Variants in GLIS3 observed in about 807,000 individuals in gnomAD.
GLIS3 encodes the protein GLIS family zinc finger 3, also known as zinc finger protein GLIS3.
GLIS3 carries 53 observed loss-of-function variants against 78.6 expected under a neutral mutation model. That is an observed-to-expected ratio of 0.67 (90% CI 0.54 to 0.85). The LOEUF (loss-of-function observed/expected upper bound fraction) is 0.85, where lower values mean the gene tolerates loss of function less well. Ranked by LOEUF, GLIS3 falls within the 40% of genes least tolerant of loss-of-function variation. GLIS3 has a pLI of 0.00. For missense variants in GLIS3, 1,703 were observed against 1,231.1 expected, an observed-to-expected ratio of 1.38 and a Z score of -5.74; for synonymous variants, 684 against 509.9, an observed-to-expected ratio of 1.34 and a Z score of -4.60.
At chr9:4,191,820 C>A (rs984799623) in intron 2 of GLIS3, among the ~76,000 whole-genome samples, 17 of 150,998 alleles carry the variant, frequency 1.1e-4, no homozygotes, top group Non-Finnish European at 2.4e-4. Context: ...AAATTGAAGA[C>A]CATATGAAAA....
At chr9:4,389,989 ATTCT>A in the GLIS3 span, among the ~76,000 whole-genome samples, 1 of 152,246 alleles carries the variant, frequency 6.6e-6, no homozygotes, top group African/African-American at 2.4e-5. Context: ...TTATTCACTC[ATTCT>A]TTCTTTCATT....
chr9:4,286,614 A>T, intron 1 of GLIS3, 91 bp from the exon 2 acceptor site: 1 of 689,826 alleles, frequency 1.4e-6, no homozygotes, highest in East Asian at 2.7e-5. Context: ...TTCATAAGGA[A>T]GAAAAGCAGC....
At chr9:4,372,588 C>A in the GLIS3 span, among the ~76,000 whole-genome samples, 1 of 151,286 alleles carries the variant, frequency 6.6e-6, no homozygotes, top group Non-Finnish European at 1.5e-5. Context: ...ACAGCGCGTG[C>A]ACCTAAATTC....
chr9:4,100,471 T>A (rs1215648196), intron 4 of GLIS3, among the ~76,000 whole-genome samples: 2 of 152,174 alleles, frequency 1.3e-5, no homozygotes, highest in African/African-American at 4.8e-5. Flanking sequence ...CGATACACCA[T>A]GAAAATATGA....
At chr9:4,436,810 CAAAAAAAA>C in the GLIS3 span, among the ~76,000 whole-genome samples, 83 of 53,594 alleles carry the variant, frequency 1.5e-3, no homozygotes, top group Admixed American at 6.9e-3. Context: ...GACTGCATCT[CAAAAAAAA>C]AAAAAAAAAA....
rs144288384 is a variant in GLIS3 at position 4,066,130 on chromosome 9, C to T, written c.1710+51638G>A. On this transcript the variant is annotated intron_variant, in intron 4 of 10. Transcript: ENST00000381971. ...CATGTCAAGCCATTTCTATTTAATGCCTATTTCAATTTCAAGACATTTCTA... is the reference window on the plus strand; with the variant it reads ...CATGTCAAGCCATTTCTATTTAATGTCTATTTCAATTTCAAGACATTTCTA... 2.7e-3 allele frequency among the ~76,000 whole-genome samples: 416 copies of T among 151,466 alleles called. 2 individuals carry two copies. The highest frequency in any genetic ancestry group is 9.7e-3 in the African/African-American group (402 of 41,320).
chr9:4,339,310 G>T (rs1200039196), intron 2 of GLIS3, among the ~76,000 whole-genome samples: 1 of 152,162 alleles, frequency 6.6e-6, no homozygotes, highest in Admixed American at 6.5e-5. Flanking sequence ...CAGTTATTTG[G>T]AGAAAATGTT....
rs751630404 is a variant in GLIS3 at position 4,259,244 on chromosome 9, C to CTTTTATTTATTTATTTATTTATTT, written c.388+26793_388+26794insAAATAAATAAATAAATAAATAAAA. On this transcript the variant is annotated intron_variant, in intron 2 of 10. Coordinates refer to ENST00000381971, the MANE Select transcript of GLIS3 (RefSeq NM_001042413.2). Reference sequence around the variant, plus strand: ...GGTCAGGGTCTCCAGTTGCTCATTTCATTTATTTATTTATTTATTTATTTA... The same window carrying CTTTTATTTATTTATTTATTTATTT: ...GGTCAGGGTCTCCAGTTGCTCATTTCTTTTATTTATTTATTTATTTATTTATTTATTTATTTATTTATTTATTTA... Among the ~76,000 whole-genome samples, 434 of 151,462 alleles carry CTTTTATTTATTTATTTATTTATTT rather than the reference C, an allele frequency of 2.9e-3. 2 individuals carry two copies. Among genetic ancestry groups the CTTTTATTTATTTATTTATTTATTT allele is most frequent in the African/African-American group, 1.0e-2 (412 of 41,240 alleles).
intron 6 of GLIS3, among the ~76,000 whole-genome samples, chr9:3,922,578 G>A (rs1824960579): frequency 6.6e-6 from 1 of 152,138 alleles, no homozygotes; most frequent in South Asian, 2.1e-4. Context: ...GGAGGGAGTG[G>A]TGAAGGGGAA....
chr9:3,963,441 C>T (rs951553542), intron 4 of GLIS3, among the ~76,000 whole-genome samples: 5 of 152,128 alleles, frequency 3.3e-5, no homozygotes, highest in Non-Finnish European at 7.4e-5. Flanking sequence ...GACATTAGGG[C>T]AAACTCTGCA....
intron 4 of GLIS3, among the ~76,000 whole-genome samples, chr9:3,940,395 T>C (rs138219513): frequency 1.1e-3 from 174 of 152,294 alleles, no homozygotes; most frequent in African/African-American, 4.1e-3. Flanking sequence ...CCAGATGCTT[T>C]CTCATCGAGG....
chr9:3,918,611 A>C (rs1014664762), intron 6 of GLIS3, among the ~76,000 whole-genome samples: 1 of 152,174 alleles, frequency 6.6e-6, no homozygotes, highest in Non-Finnish European at 1.5e-5. Flanking sequence ...ACTCTGACCC[A>C]GGAGTCTCAT....
chr9:4,069,130 T>C (rs1588594788), intron 4 of GLIS3, among the ~76,000 whole-genome samples: 1 of 152,144 alleles, frequency 6.6e-6, no homozygotes, highest in Non-Finnish European at 1.5e-5. Context: ...TAAGGCTCAA[T>C]AAAAATGCCC....
the GLIS3 span, among the ~76,000 whole-genome samples, chr9:4,441,679 T>A: frequency 6.6e-6 from 1 of 152,296 alleles, no homozygotes; most frequent in African/African-American, 2.4e-5. Flanking sequence ...TGATCTCGGC[T>A]CCCTACAACC....
intron 8 of GLIS3, among the ~76,000 whole-genome samples, chr9:3,874,850 C>T (rs1399673072): frequency 6.6e-6 from 1 of 152,122 alleles, no homozygotes; most frequent in African/African-American, 2.4e-5. Flanking sequence ...TTTTCTGGCT[C>T]AGCCATGGGC....
intron 4 of GLIS3, among the ~76,000 whole-genome samples, chr9:4,093,186 T>G (rs890654427): frequency 2.6e-5 from 4 of 151,750 alleles, no homozygotes; most frequent in African/African-American, 9.7e-5. Context: ...AGCCTGTAAG[T>G]GGCAGAGTCA....
chr9:4,024,418 A>G (rs1228170517), intron 4 of GLIS3, among the ~76,000 whole-genome samples: 1 of 152,172 alleles, frequency 6.6e-6, no homozygotes, highest in South Asian at 2.1e-4. Flanking sequence ...GAACACACTT[A>G]TTCTTGAATC....
At chr9:4,401,377 A>T in the GLIS3 span, among the ~76,000 whole-genome samples, 1 of 151,582 alleles carries the variant, frequency 6.6e-6, no homozygotes, top group Non-Finnish European at 1.5e-5. Flanking sequence ...CTCCTGCCTC[A>T]GCCTCCCGAT....
intron 1 of GLIS3, among the ~76,000 whole-genome samples, chr9:4,292,584 A>G (rs1041360561): frequency 6.6e-6 from 1 of 152,200 alleles, no homozygotes; most frequent in African/African-American, 2.4e-5. Context: ...TGGCTTTATA[A>G]AACGTAAGGA....
Sources: allele counts gnomAD v4.1 joint callset (sites outside exome capture counted in the v4.1 genomes callset), GRCh38; gene constraint gnomAD v4.1.1; transcripts MANE v1.5; gene names NCBI Gene and HGNC (gene_info 2026-07-23, HGNC 2026-07-21).